The following AFF3 variants were observed in gnomAD, a reference collection of about 807,000 sequenced individuals.
The protein encoded by AFF3 is ALF transcription elongation factor 3, also known as AF4/FMR2 family member 3.
A neutral mutation model predicts 129.7 loss-of-function variants in AFF3; 32 were observed. The observed-to-expected ratio is 0.25, with a 90% CI of 0.19 to 0.33. The LOEUF is 0.33. Among genes scored for constraint, AFF3 ranks in the 10% least tolerant of loss-of-function variants. AFF3 has a pLI of 1.00. For missense variants in AFF3, 1,373 were observed against 1,592.0 expected (o/e 0.86, Z 2.34); for synonymous variants, 644 against 635.4 (o/e 1.01, Z -0.20).
intron 4 of AFF3, among the ~76,000 whole-genome samples, chr2:100,048,384 TGGAGCAGCTCTCC>T (rs1686011701): frequency 6.6e-6 from 1 of 152,238 alleles, no homozygotes; most frequent in Non-Finnish European, 1.5e-5. Context: ...AGGTTTATAG[TGGAGCAGCTCTCC>T]GTGACTCTGA....
At chr2:99,677,460 C>T (rs1020914492) in intron 11 of AFF3, among the ~76,000 whole-genome samples, 43 of 152,104 alleles carry the variant, frequency 2.8e-4, no homozygotes, top group Admixed American at 1.1e-3. Context: ...TTTTTTTTAA[C>T]GTGCGATTAA....
At chr2:99,946,472 TTAAAAAAAAAAAAAAAA>T (rs1210523671) in intron 7 of AFF3, among the ~76,000 whole-genome samples, 3 of 44,804 alleles carry the variant, frequency 6.7e-5, no homozygotes, top group Non-Finnish European at 1.1e-4. Context: ...AGACGCCATC[TTAAAAAAAAAAAAAAAA>T]AAAAAAAAAA....
At chr2:99,719,050 CTT>C (rs554515502) in intron 11 of AFF3, among the ~76,000 whole-genome samples, 2 of 108,178 alleles carry the variant, frequency 1.8e-5, no homozygotes, top group Non-Finnish European at 3.6e-5. Context: ...CGCGCCCGGC[CTT>C]TTTTTTTTTT....
intron 12 of AFF3, among the ~76,000 whole-genome samples, chr2:99,662,532 G>A (rs1686339023): frequency 1.3e-5 from 2 of 152,100 alleles, no homozygotes; most frequent in Non-Finnish European, 2.9e-5. Context: ...AATATCTGTG[G>A]TTAAGTTATC....
At chr2:99,772,249 G>A (rs895060511) in intron 8 of AFF3, among the ~76,000 whole-genome samples, 1 of 152,194 alleles carries the variant, frequency 6.6e-6, no homozygotes, top group Non-Finnish European at 1.5e-5. Flanking sequence ...GAAGGCAAAT[G>A]GGGAGCTTTG....
chr2:100,128,607 C>T (rs554286174), intron 2 of AFF3, among the ~76,000 whole-genome samples: 39 of 152,270 alleles, frequency 2.6e-4, no homozygotes, highest in Non-Finnish European at 3.1e-4. Flanking sequence ...GCTTTGAATG[C>T]GGAGAATTGC....
At chr2:99,836,381 T>A (rs1481524011) in intron 8 of AFF3, among the ~76,000 whole-genome samples, 1 of 152,176 alleles carries the variant, frequency 6.6e-6, no homozygotes, top group Admixed American at 6.5e-5. Context: ...AATATAGATA[T>A]AAAATATACT....
At chr2:99,799,847 G>A (rs535036950) in intron 8 of AFF3, among the ~76,000 whole-genome samples, 1 of 152,214 alleles carries the variant, frequency 6.6e-6, no homozygotes, top group Admixed American at 6.5e-5. Flanking sequence ...CAATTAAGTG[G>A]AGAAAGGACA....
intron 11 of AFF3, among the ~76,000 whole-genome samples, chr2:99,682,160 G>T (rs2104562502): frequency 6.6e-6 from 1 of 152,120 alleles, no homozygotes; most frequent in South Asian, 2.1e-4. Context: ...GCCCGCCTTG[G>T]CCTCCCAAAG....
At chr2:99,764,378 C>A (rs2105288227) in intron 8 of AFF3, among the ~76,000 whole-genome samples, 1 of 152,230 alleles carries the variant, frequency 6.6e-6, no homozygotes, top group Middle Eastern at 3.4e-3. Flanking sequence ...TTGTTTCATG[C>A]TAGATCCCTT....
intron 8 of AFF3, among the ~76,000 whole-genome samples, chr2:99,820,417 T>C (rs1159424940): frequency 6.6e-6 from 1 of 152,032 alleles, no homozygotes; most frequent in Non-Finnish European, 1.5e-5. Flanking sequence ...GTATAGGGCT[T>C]TTTCCATGAA....
chr2:99,929,339 T>TAAATA (rs10687740), intron 7 of AFF3, among the ~76,000 whole-genome samples: 39,151 of 151,198 alleles, frequency 0.26, 8,179 homozygotes, highest in African/African-American at 0.58. Context: ...AAAGAATAAA[T>TAAATA]AAATAAAATA....
intron 8 of AFF3, among the ~76,000 whole-genome samples, chr2:99,794,816 A>C (rs906972544): frequency 2.0e-5 from 3 of 152,106 alleles, no homozygotes; most frequent in Admixed American, 2.0e-4. Context: ...CACCTAATTT[A>C]TTTCCCTTCA....
At chr2:99,576,039 A>ATTT (rs528574305) in intron 18 of AFF3, among the ~76,000 whole-genome samples, 1 of 145,456 alleles carries the variant, frequency 6.9e-6, no homozygotes, top group Non-Finnish European at 1.5e-5. Flanking sequence ...GTGAGACATG[A>ATTT]TTTTTTTTTT....
intron 4 of AFF3, among the ~76,000 whole-genome samples, chr2:100,103,327 A>G (rs1012958804): frequency 2.1e-5 from 3 of 143,500 alleles, no homozygotes; most frequent in African/African-American, 5.4e-5. Context: ...AAGCAAAAGG[A>G]AAAAAAAAAA....
chr2:99,666,746 G>A (rs186356004), intron 12 of AFF3, among the ~76,000 whole-genome samples: 2 of 152,282 alleles, frequency 1.3e-5, no homozygotes, highest in East Asian at 1.9e-4. Flanking sequence ...AAATAAAGCA[G>A]GAGTAGCTGT....
intron 7 of AFF3, among the ~76,000 whole-genome samples, chr2:99,846,960 G>A (rs1689772215): frequency 1.3e-5 from 2 of 152,150 alleles, no homozygotes; most frequent in African/African-American, 4.8e-5. Flanking sequence ...GAGGTGATAC[G>A]CTAGAAATAA....
intron 13 of AFF3, among the ~76,000 whole-genome samples, chr2:99,617,925 T>C (rs1681601034): frequency 6.6e-6 from 1 of 152,126 alleles, no homozygotes; most frequent in African/African-American, 2.4e-5. Context: ...GATCTCGGGC[T>C]CCTAATACTA....
At chr2:99,557,436 C>T (rs560327054) in intron 22 of AFF3, among the ~76,000 whole-genome samples, 42 of 152,230 alleles carry the variant, frequency 2.8e-4, no homozygotes, top group African/African-American at 9.1e-4. Context: ...CCTGCCACCA[C>T]GCCTGGCGTG....
Sources: allele counts gnomAD v4.1 joint callset (sites outside exome capture counted in the v4.1 genomes callset), GRCh38; gene constraint gnomAD v4.1.1; transcripts MANE v1.5; gene names NCBI Gene and HGNC (gene_info 2026-07-23, HGNC 2026-07-21).